The following CNTNAP2 variants were observed in gnomAD, a reference collection of about 807,000 sequenced individuals.
The protein encoded by CNTNAP2 is contactin-associated protein-like 2.
CNTNAP2 carries 98 observed loss-of-function variants against 155.2 expected under a neutral mutation model. That is an observed-to-expected ratio of 0.63 (90% CI 0.54 to 0.75). The LOEUF is 0.75. Ranked by LOEUF, CNTNAP2 falls within the 30% of genes least tolerant of loss-of-function variation. CNTNAP2 has a pLI of 0.00. For missense variants in CNTNAP2, 1,727 were observed against 1,688.1 expected (o/e 1.02, Z -0.40); for synonymous variants, 651 against 631.2 (o/e 1.03, Z -0.47).
intron 1 of CNTNAP2, among the ~76,000 whole-genome samples, chr7:146,439,876 C>A (rs1404654558): frequency 2.0e-5 from 3 of 151,600 alleles, no homozygotes. Flanking sequence ...GTAATCTCAG[C>A]ACTTTGGGAG....
chr7:146,353,822 TAA>T (rs1794958243), intron 1 of CNTNAP2, among the ~76,000 whole-genome samples: 1 of 152,104 alleles, frequency 6.6e-6, no homozygotes, highest in Non-Finnish European at 1.5e-5. Flanking sequence ...CTCTGTAGGA[TAA>T]GAGTTATAAT....
At chr7:147,044,151 G>A in intron 4 of CNTNAP2, 97 bp downstream of exon 4, 1 of 1,336,730 alleles carries the variant, frequency 7.5e-7, no homozygotes, top group Admixed American at 1.7e-5. Flanking sequence ...TGCTTTCTCT[G>A]ACAATAAACT....
chr7:147,679,454 A>T (rs1197907910), intron 13 of CNTNAP2, among the ~76,000 whole-genome samples: 1 of 151,932 alleles, frequency 6.6e-6, no homozygotes, highest in Non-Finnish European at 1.5e-5. Flanking sequence ...TTAGAAATGG[A>T]TTGAGGAAGT....
At chr7:146,287,860 T>A (rs1800361680) in intron 1 of CNTNAP2, among the ~76,000 whole-genome samples, 2 of 152,154 alleles carry the variant, frequency 1.3e-5, no homozygotes, top group Non-Finnish European at 2.9e-5. Flanking sequence ...TATTGTTATC[T>A]TACCTGGAGA....
chr7:147,570,096 G>A (rs77117918), intron 12 of CNTNAP2, among the ~76,000 whole-genome samples: 5 of 152,156 alleles, frequency 3.3e-5, no homozygotes, highest in South Asian at 2.1e-4. Flanking sequence ...TGACTTGGTC[G>A]TCACTCAGGA....
At chr7:146,971,690 G>A (rs979481406) in intron 3 of CNTNAP2, among the ~76,000 whole-genome samples, 1 of 152,068 alleles carries the variant, frequency 6.6e-6, no homozygotes, top group African/African-American at 2.4e-5. Context: ...TATGGGAGAA[G>A]TGGAGAGGGG....
intron 3 of CNTNAP2, among the ~76,000 whole-genome samples, chr7:146,858,422 C>T (rs1225210329): frequency 6.6e-6 from 1 of 152,128 alleles, no homozygotes; most frequent in Non-Finnish European, 1.5e-5. Context: ...CACCAGGCTT[C>T]GTGGCTCATG....
At chr7:147,807,673 C>T (rs1172785106) in intron 13 of CNTNAP2, among the ~76,000 whole-genome samples, 2 of 152,102 alleles carry the variant, frequency 1.3e-5, no homozygotes, top group Admixed American at 1.3e-4. Context: ...TTATTGGTCT[C>T]TGTGCATATG....
chr7:147,158,611 C>G (rs1801969697), intron 8 of CNTNAP2, among the ~76,000 whole-genome samples: 1 of 152,066 alleles, frequency 6.6e-6, no homozygotes, highest in Non-Finnish European at 1.5e-5. Flanking sequence ...GCAAGCATTA[C>G]CACATCTGAA....
At chr7:148,100,656 TTTATGCCACA>T (rs1338041487) in intron 15 of CNTNAP2, among the ~76,000 whole-genome samples, 1 of 152,222 alleles carries the variant, frequency 6.6e-6, no homozygotes, top group Non-Finnish European at 1.5e-5. Flanking sequence ...GATTTTATGG[TTTATGCCACA>T]TTATGTCACA....
At chr7:147,563,122 T>C (rs145265069) in intron 12 of CNTNAP2, among the ~76,000 whole-genome samples, 53 of 152,282 alleles carry the variant, frequency 3.5e-4, no homozygotes, top group Middle Eastern at 3.4e-3. Context: ...TCACCACATG[T>C]GTAATATTGG....
At chr7:147,460,505 A>C (rs1262511966) in intron 10 of CNTNAP2, among the ~76,000 whole-genome samples, 1 of 152,140 alleles carries the variant, frequency 6.6e-6, no homozygotes, top group Admixed American at 6.5e-5. Context: ...TGTTTAATAT[A>C]TTTGGCCGTA....
intron 1 of CNTNAP2, among the ~76,000 whole-genome samples, chr7:146,343,055 G>A (rs1428917700): frequency 4.0e-5 from 6 of 151,804 alleles, no homozygotes; most frequent in African/African-American, 1.5e-4. Context: ...TTTTTCAAAC[G>A]TTACTGTGTT....
Position 147,272,613 on chromosome 7 carries a change from C to G in CNTNAP2, c.1349-27528C>G, listed in dbSNP as rs577576906. 6.6e-5 allele frequency among the ~76,000 whole-genome samples: 10 copies of G among 152,212 alleles called. No homozygotes were observed. The East Asian group carries it at 1.9e-3, about 29-fold the overall frequency. ...TCCCGGGTTCACGCCATTCTCCTGC[C>G]TCAGCCTCTCGAGTAGCTGGGACTA... is the stretch of plus-strand genomic sequence containing the variant. On this transcript the variant is annotated intron_variant, in intron 8 of 23. Transcript: ENST00000361727.
At chr7:147,050,158 ATTCAGTGAGCT>A (rs756152231) in intron 4 of CNTNAP2, among the ~76,000 whole-genome samples, 1 of 152,154 alleles carries the variant, frequency 6.6e-6, no homozygotes, top group Non-Finnish European at 1.5e-5. Context: ...ATGCCTTTTG[ATTCAGTGAGCT>A]TTCTCCCACA....
intron 5 of CNTNAP2, among the ~76,000 whole-genome samples, chr7:147,108,865 T>C (rs1800819989): frequency 6.6e-6 from 1 of 151,938 alleles, no homozygotes; most frequent in Non-Finnish European, 1.5e-5. Context: ...GAATTAGCCA[T>C]GAAAACATGA....
rs73744750 is a variant in CNTNAP2 at position 148,130,032 on chromosome 7, C to T, written c.2554+11744C>T. Reference sequence around the variant, plus strand: ...ATTGCCACCTAATTGTAAATGCTAACTAAGGAGCCATCAGAATGGCCCACG... The same window carrying T: ...ATTGCCACCTAATTGTAAATGCTAATTAAGGAGCCATCAGAATGGCCCACG... On this transcript the variant is annotated intron_variant, in intron 16 of 23. Coordinates refer to ENST00000361727, the MANE Select transcript of CNTNAP2 (RefSeq NM_014141.6). 9.4e-3 allele frequency among the ~76,000 whole-genome samples: 1,434 copies of T among 152,330 alleles called. 23 individuals are homozygous for T. Among genetic ancestry groups the T allele is most frequent in the African/African-American group, 0.032 (1,322 of 41,568 alleles).
intron 21 of CNTNAP2, among the ~76,000 whole-genome samples, chr7:148,383,443 C>T (rs1229494313): frequency 6.6e-6 from 1 of 152,088 alleles, no homozygotes; most frequent in African/African-American, 2.4e-5. Flanking sequence ...TTCACCCTAC[C>T]GTATTTTCTG....
chr7:146,719,561 T>C (rs144753335), intron 1 of CNTNAP2, among the ~76,000 whole-genome samples: 22 of 152,272 alleles, frequency 1.4e-4, no homozygotes, highest in Non-Finnish European at 1.2e-4. Flanking sequence ...CTGTGGTTTT[T>C]GAGAACATTG....
Sources: allele counts gnomAD v4.1 joint callset (sites outside exome capture counted in the v4.1 genomes callset), GRCh38; gene constraint gnomAD v4.1.1; transcripts MANE v1.5; gene names NCBI Gene and HGNC (gene_info 2026-07-23, HGNC 2026-07-21).